The following DISC1 variants were observed in gnomAD, a reference collection of about 807,000 sequenced individuals.
The protein encoded by DISC1 is DISC1 scaffold protein.
Under a neutral mutation model 84.5 loss-of-function variants are expected in DISC1, and 57 were observed. The observed-to-expected ratio is 0.67, with a 90% CI of 0.55 to 0.84. DISC1 has a LOEUF of 0.84. Among genes scored for constraint, DISC1 ranks in the 40% least tolerant of loss-of-function variants. The probability of loss-of-function intolerance (pLI) is 0.00; values close to 1 mark genes in which losing one functional copy is unlikely to be tolerated. For missense variants in DISC1, 1,000 were observed against 1,057.8 expected (o/e 0.95, Z 0.76); for synonymous variants, 411 against 415.2 (o/e 0.99, Z 0.12).
chr1:232,007,515 A>T lies in DISC1; in HGVS notation c.2043-1270A>T, dbSNP rs145615064. Among the ~76,000 whole-genome samples the T allele has an allele frequency of 5.3e-5, 8 of 152,326 alleles. 1 individual carries two copies. The highest frequency in any genetic ancestry group is 1.4e-4 in the African/African-American group (6 of 41,580). ...GAATTTGGAGTTGCGTGGGGCCTGT[A>T]GCCCCTTTGTTTTGGCCAGTTTCTC... On this transcript the variant is annotated intron_variant, in intron 10 of 12. Coordinates refer to ENST00000439617, the MANE Select transcript of DISC1 (RefSeq NM_018662.3).
intron 11 of DISC1, among the ~76,000 whole-genome samples, chr1:232,012,196 C>A (rs564590962): frequency 6.6e-6 from 1 of 152,296 alleles, no homozygotes; most frequent in South Asian, 2.1e-4. Flanking sequence ...CCAGGCTTAA[C>A]TTTCCCTTTT....
At chr1:231,664,031 C>T (rs61835362) in intron 1 of DISC1, among the ~76,000 whole-genome samples, 23,955 of 125,786 alleles carry the variant, frequency 0.19, 2,631 homozygotes, top group East Asian at 0.51. Context: ...TCTATCTATC[C>T]ATCTATCTAT....
chr1:231,722,864 G>A (rs2125114667), intron 3 of DISC1: 3 of 1,396,402 alleles, frequency 2.1e-6, no homozygotes, highest in Non-Finnish European at 2.8e-6. Context: ...CCAGTCCCCT[G>A]TCATGGCATG....
chr1:231,819,080 C>T (rs2081298150), intron 9 of DISC1: 1 of 986,654 alleles, frequency 1.0e-6, no homozygotes, highest in Non-Finnish European at 1.2e-6. Context: ...TTAGGAGTAA[C>T]TGAGCTTACT....
chr1:231,834,272 G>T (rs1349798557), intron 9 of DISC1, among the ~76,000 whole-genome samples: 1 of 152,050 alleles, frequency 6.6e-6, no homozygotes, highest in Non-Finnish European at 1.5e-5. Flanking sequence ...TTTGGACCTA[G>T]CTTGGCCTGG....
intron 9 of DISC1, among the ~76,000 whole-genome samples, chr1:231,832,133 A>G (rs539087570): frequency 1.8e-4 from 25 of 136,662 alleles, no homozygotes; most frequent in Admixed American, 6.2e-4. Context: ...GACACTCAAC[A>G]AAGAGTGAGC....
At chr1:231,889,122 AG>A (rs1329813125) in intron 9 of DISC1, among the ~76,000 whole-genome samples, 12 of 152,326 alleles carry the variant, frequency 7.9e-5, no homozygotes, top group African/African-American at 2.9e-4. Context: ...TTCAGTAAGT[AG>A]AGTCCTTCAG....
intron 6 of DISC1, among the ~76,000 whole-genome samples, chr1:231,794,617 T>C (rs1299888579): frequency 6.6e-6 from 1 of 151,892 alleles, no homozygotes; most frequent in African/African-American, 2.4e-5. Context: ...GATGCAGGAG[T>C]GGACACAACA....
intron 3 of DISC1, chr1:231,720,973 A>G (rs547198113): frequency 7.7e-7 from 1 of 1,290,914 alleles, no homozygotes; most frequent in South Asian, 1.2e-5. Context: ...TTACATTTTC[A>G]TTTGGGGTGA....
rs926795984 is a variant in DISC1 at position 231,954,042 on chromosome 1, C to T, written c.1982-4786C>T. On this transcript the variant is annotated intron_variant, in intron 9 of 12. Transcript: ENST00000439617. This position sits in a 1 kb window ranked among gnomAD's most constrained non-coding sequence, Gnocchi z 4.8. ...TTCCTCCCACTTAACATTCTCCTAC[C>T]TTCCGTGTTGACATTCTTCTACCTT... 3.3e-5 allele frequency among the ~76,000 whole-genome samples: 5 copies of T among 152,182 alleles called. No individual in the cohort carries two copies. The highest frequency in any genetic ancestry group is 1.2e-4 in the African/African-American group (5 of 41,442).
chr1:231,937,907 C>T (rs772734112), intron 9 of DISC1, among the ~76,000 whole-genome samples: 5 of 151,870 alleles, frequency 3.3e-5, no homozygotes, highest in Non-Finnish European at 7.4e-5. Context: ...TTCTTGGCAG[C>T]ATCTGATCCA....
intron 11 of DISC1, among the ~76,000 whole-genome samples, chr1:232,020,666 C>G (rs1173583771): frequency 1.3e-5 from 2 of 152,176 alleles, no homozygotes; most frequent in Non-Finnish European, 2.9e-5. Context: ...TTGGCTTAAA[C>G]AGAAATGTCA....
intron 8 of DISC1, 85 bp from the exon 9 acceptor site, chr1:231,818,244 T>G (rs2125758341): frequency 7.4e-7 from 1 of 1,356,676 alleles, no homozygotes; most frequent in Non-Finnish European, 1.1e-6. Flanking sequence ...ATGCTGTGAA[T>G]GTACATTAGC....
At chr1:231,963,837 G>A (rs821593) in intron 10 of DISC1, among the ~76,000 whole-genome samples, 16,021 of 152,132 alleles carry the variant, frequency 0.11, 1,104 homozygotes, top group African/African-American at 0.19. Context: ...GGGGGTCTGC[G>A]TGAGAGGGTC....
chr1:231,939,609 C>T (rs1393952057), intron 9 of DISC1, among the ~76,000 whole-genome samples: 1 of 152,162 alleles, frequency 6.6e-6, no homozygotes, highest in African/African-American at 2.4e-5. Context: ...TCTTGCCTTC[C>T]TTACATGCTA....
chr1:231,825,827 A>G (rs992451403), intron 9 of DISC1, among the ~76,000 whole-genome samples: 3 of 152,220 alleles, frequency 2.0e-5, no homozygotes, highest in Non-Finnish European at 4.4e-5. Context: ...ACCAAATTCT[A>G]TTATTCACAT....
chr1:231,657,020 T>C (rs1208742959), intron 1 of DISC1, among the ~76,000 whole-genome samples: 1 of 152,228 alleles, frequency 6.6e-6, no homozygotes, highest in African/African-American at 2.4e-5. Flanking sequence ...ACCACATTTA[T>C]TTATCCAGTC....
chr1:231,723,376 A>T, intron 3 of DISC1: 4 of 985,728 alleles, frequency 4.1e-6, no homozygotes, highest in Non-Finnish European at 4.8e-6. Flanking sequence ...AGGTCTGTGG[A>T]ACGGCGATGA....
chr1:231,969,123 G>A (rs1661535356), intron 10 of DISC1, among the ~76,000 whole-genome samples: 1 of 148,368 alleles, frequency 6.7e-6, no homozygotes, highest in South Asian at 2.1e-4. Context: ...AGAGATGTTT[G>A]CTTGTAGCTA....
Sources: allele counts gnomAD v4.1 joint callset (sites outside exome capture counted in the v4.1 genomes callset), GRCh38; gene constraint gnomAD v4.1.1; non-coding constraint Gnocchi (gnomAD v3.1); transcripts MANE v1.5; gene names NCBI Gene and HGNC (gene_info 2026-07-23, HGNC 2026-07-21).